Variants in GPM6A observed in about 807,000 individuals in gnomAD.
The protein encoded by GPM6A is neuronal membrane glycoprotein M6-a.
A neutral mutation model predicts 32.1 loss-of-function variants in GPM6A; 7 were observed. The observed-to-expected ratio is 0.22, with a 90% CI of 0.12 to 0.41. The LOEUF (loss-of-function observed/expected upper bound fraction) is 0.41, where lower values mean the gene tolerates loss of function less well. Ranked by LOEUF, GPM6A falls within the 10% of genes least tolerant of loss-of-function variation. The pLI, the probability that GPM6A is intolerant of heterozygous loss-of-function variation, is 1.00. For synonymous variants in GPM6A, 130 were observed against 123.4 expected, an observed-to-expected ratio of 1.05 and a Z score of -0.35; for missense variants, 235 against 347.2, an observed-to-expected ratio of 0.68 and a Z score of 2.57.
At chr4:175,749,372 G>C (rs1732230219) in intron 1 of GPM6A, among the ~76,000 whole-genome samples, 1 of 152,158 alleles carries the variant, frequency 6.6e-6, no homozygotes, top group Non-Finnish European at 1.5e-5. Flanking sequence ...CATGTCAACA[G>C]TGAGCTGTTG....
At chr4:175,659,350 G>A (rs946297541) in intron 3 of GPM6A, among the ~76,000 whole-genome samples, 1 of 152,052 alleles carries the variant, frequency 6.6e-6, no homozygotes, top group African/African-American at 2.4e-5. Context: ...AAAGTTCTGG[G>A]ATTACAGGAG....
At chr4:175,822,913 C>A (rs947349989) in intron 1 of GPM6A, among the ~76,000 whole-genome samples, 3 of 151,956 alleles carry the variant, frequency 2.0e-5, no homozygotes, top group Admixed American at 2.0e-4. Context: ...CTTTTTGATA[C>A]TTTTTATATA....
intron 1 of GPM6A, among the ~76,000 whole-genome samples, chr4:175,912,491 C>T (rs1174565054): frequency 1.3e-5 from 2 of 151,970 alleles, no homozygotes; most frequent in African/African-American, 2.4e-5. Flanking sequence ...ACTGTCTCTA[C>T]TAAAAATACA....
chr4:175,972,286 A>G (rs966712957), intron 1 of GPM6A, among the ~76,000 whole-genome samples: 5 of 152,236 alleles, frequency 3.3e-5, no homozygotes, highest in Admixed American at 2.0e-4. Context: ...TATCTATATA[A>G]AAATCCAAAT....
intron 2 of GPM6A, among the ~76,000 whole-genome samples, chr4:175,690,826 A>T (rs1169585623): frequency 1.3e-5 from 2 of 152,182 alleles, no homozygotes; most frequent in African/African-American, 4.8e-5. Context: ...TGTTACAAGG[A>T]TTATAATATT....
At chr4:175,723,777 T>C (rs1746263222) in intron 1 of GPM6A, among the ~76,000 whole-genome samples, 1 of 152,082 alleles carries the variant, frequency 6.6e-6, no homozygotes. Context: ...ACCAGACAAA[T>C]AAAAGATAAA....
At chr4:175,808,190 C>A (rs1415353969) in intron 1 of GPM6A, among the ~76,000 whole-genome samples, 1 of 152,192 alleles carries the variant, frequency 6.6e-6, no homozygotes, top group African/African-American at 2.4e-5. Flanking sequence ...ATCTTACACA[C>A]ACAAAAAATG....
chr4:175,939,206 C>T (rs922763727), intron 1 of GPM6A, among the ~76,000 whole-genome samples: 5 of 152,150 alleles, frequency 3.3e-5, no homozygotes, highest in African/African-American at 1.2e-4. Flanking sequence ...AAGGAAGACC[C>T]AGTATTGTTC....
At chr4:175,842,325 C>T (rs142428066) in intron 1 of GPM6A, among the ~76,000 whole-genome samples, 245 of 152,168 alleles carry the variant, frequency 1.6e-3, no homozygotes, top group African/African-American at 5.6e-3. Context: ...ATGTAAATGA[C>T]TTTGGCCCTC....
chr4:175,889,599 A>G (rs1227305528), intron 1 of GPM6A, among the ~76,000 whole-genome samples: 1 of 151,972 alleles, frequency 6.6e-6, no homozygotes, highest in Non-Finnish European at 1.5e-5. Context: ...GTGGATCACA[A>G]CGTCAGGAGA....
At chr4:175,799,738 A>C (rs548846834) in intron 1 of GPM6A, among the ~76,000 whole-genome samples, 1 of 124,928 alleles carries the variant, frequency 8.0e-6, no homozygotes, top group Admixed American at 9.2e-5. Flanking sequence ...GCAGTGGCGC[A>C]ATCTCGGCTC....
chr4:175,815,622 G>A (rs932965075), upstream of GPM6A, among the ~76,000 whole-genome samples: 2 of 151,640 alleles, frequency 1.3e-5, no homozygotes, highest in Non-Finnish European at 2.9e-5. Context: ...GCTCATGCCT[G>A]TAATCAAAAC....
chr4:175,887,287 T>C (rs1737490937), intron 1 of GPM6A, among the ~76,000 whole-genome samples: 1 of 151,922 alleles, frequency 6.6e-6, no homozygotes, highest in South Asian at 2.1e-4. Flanking sequence ...GAAAAGGTCA[T>C]TAAACACAAT....
intron 1 of GPM6A, among the ~76,000 whole-genome samples, chr4:175,702,673 C>A (rs566095131): frequency 2.6e-5 from 4 of 152,256 alleles, no homozygotes; most frequent in African/African-American, 9.6e-5. Flanking sequence ...CACCTCCGTG[C>A]CCCATTAATT....
intron 1 of GPM6A, among the ~76,000 whole-genome samples, chr4:175,854,850 C>A (rs1736368383): frequency 1.3e-5 from 2 of 152,124 alleles, no homozygotes; most frequent in African/African-American, 4.8e-5. Flanking sequence ...AAAGAAACCT[C>A]AAGAAAGAAC....
In GPM6A at chr4:175,762,522, AT is replaced by A. The variant is rs146118245; in HGVS notation, c.37+49668del. 5.8e-3 allele frequency among the ~76,000 whole-genome samples: 879 copies of A among 152,264 alleles called. 5 individuals are homozygous for A. Among genetic ancestry groups the A allele is most frequent in the African/African-American group, 0.02 (813 of 41,548 alleles). ...TATTGCTATGTTTAGTATGAAATGT[AT>A]TTAAACTCTGACTGAAATCAATAAA... On this transcript the variant is annotated intron_variant, in intron 1 of 6. Transcript: ENST00000393658.
intron 1 of GPM6A, among the ~76,000 whole-genome samples, chr4:175,883,765 C>T (rs528321725): frequency 6.6e-5 from 10 of 152,200 alleles, no homozygotes; most frequent in African/African-American, 2.4e-4. Context: ...ACATCTGTCT[C>T]AGATAAGCAA....
intron 1 of GPM6A, among the ~76,000 whole-genome samples, chr4:175,898,829 C>T (rs906340752): frequency 3.9e-5 from 6 of 152,200 alleles, no homozygotes; most frequent in Non-Finnish European, 5.9e-5. Flanking sequence ...TCATTTCTCT[C>T]TAGTAACATT....
intron 1 of GPM6A, among the ~76,000 whole-genome samples, chr4:175,728,158 T>A (rs1167464096): frequency 6.6e-6 from 1 of 152,070 alleles, no homozygotes; most frequent in Non-Finnish European, 1.5e-5. Context: ...TATTAAATTA[T>A]AAGGAGGAAC....
Sources: allele counts gnomAD v4.1 joint callset (sites outside exome capture counted in the v4.1 genomes callset), GRCh38; gene constraint gnomAD v4.1.1; transcripts MANE v1.5; gene names NCBI Gene and HGNC (gene_info 2026-07-23, HGNC 2026-07-21).